Variants in MSI2 observed in about 807,000 individuals in gnomAD.
The protein encoded by MSI2 is musashi RNA binding protein 2.
A neutral mutation model predicts 45.6 loss-of-function variants in MSI2; 17 were observed. The ratio of observed to expected loss-of-function variants is 0.37; its 90% CI spans 0.26 to 0.56. MSI2 has a LOEUF of 0.56. MSI2 is among the 20% of genes least tolerant of loss of function. The probability of loss-of-function intolerance (pLI) is 0.77; values close to 1 mark genes in which losing one functional copy is unlikely to be tolerated. For missense variants in MSI2, 293 were observed against 444.2 expected (o/e 0.66, Z 3.06); for synonymous variants, 156 against 158.2 (o/e 0.99, Z 0.11).
At chr17:57,663,027 C>T (rs978376231) in intron 11 of MSI2, among the ~76,000 whole-genome samples, 1 of 152,210 alleles carries the variant, frequency 6.6e-6, no homozygotes, top group African/African-American at 2.4e-5. Context: ...GGAAGACAGA[C>T]GTCCTCTGTA....
intron 8 of MSI2, among the ~76,000 whole-genome samples, chr17:57,597,434 G>C (rs892104110): frequency 2.1e-5 from 3 of 143,654 alleles, no homozygotes; most frequent in African/African-American, 7.9e-5. Context: ...AGTTCGAGAC[G>C]AGCCTGGGAA....
intron 5 of MSI2, among the ~76,000 whole-genome samples, chr17:57,361,758 CAG>C (rs1348738843): frequency 2.6e-5 from 4 of 152,140 alleles, no homozygotes; most frequent in East Asian, 1.9e-4. Context: ...TTTGCTGTCT[CAG>C]GGGTGCAGAG....
intron 3 of MSI2, 110 bp downstream of exon 3, chr17:57,257,657 G>T (rs1034453368): frequency 1.4e-4 from 104 of 752,676 alleles, no homozygotes; most frequent in Non-Finnish European, 2.6e-5. Flanking sequence ...GCTCAGGCGC[G>T]TGGCTGATCT....
At chr17:57,696,262 G>T in the MSI2 span, among the ~76,000 whole-genome samples, 1 of 152,224 alleles carries the variant, frequency 6.6e-6, no homozygotes, top group Non-Finnish European at 1.5e-5. Flanking sequence ...GATCCAGCTG[G>T]CAAAGTGGCA....
At chr17:57,513,476 G>A (rs1322345830) in intron 6 of MSI2, among the ~76,000 whole-genome samples, 1 of 152,192 alleles carries the variant, frequency 6.6e-6, no homozygotes, top group African/African-American at 2.4e-5. Flanking sequence ...TGGGACCTGG[G>A]TCTAGGTGCC....
intron 7 of MSI2, among the ~76,000 whole-genome samples, chr17:57,549,168 C>T (rs1045291976): frequency 3.3e-5 from 5 of 152,188 alleles, no homozygotes; most frequent in South Asian, 2.1e-4. Context: ...AGCCGCCGGG[C>T]GCCGGCCGAC....
At position 57,339,039 on chromosome 17, in the gene MSI2, T is replaced by G. The variant is rs1435406201; in HGVS notation, c.313-62340T>G. ...GGAGAGGGGATCAGACTTTTCTTTCTCTTTGTGGCTTTCAAAAGAAAATCA... is the reference window on the plus strand; with the variant it reads ...GGAGAGGGGATCAGACTTTTCTTTCGCTTTGTGGCTTTCAAAAGAAAATCA... On this transcript the variant is annotated intron_variant, in intron 5 of 13. Transcript: ENST00000284073. Among the ~76,000 whole-genome samples, 5 of 152,338 alleles carry G rather than the reference T, an allele frequency of 3.3e-5. No homozygotes were observed. In the East Asian group the frequency reaches 9.6e-4, roughly 29 times the overall value.
intron 5 of MSI2, among the ~76,000 whole-genome samples, chr17:57,289,528 T>C (rs1395020857): frequency 3.3e-5 from 5 of 152,190 alleles, no homozygotes; most frequent in African/African-American, 1.2e-4. Flanking sequence ...CCGTCCTCTC[T>C]TCCCTTTTAT....
intron 7 of MSI2, among the ~76,000 whole-genome samples, chr17:57,578,299 T>TACC (rs1431879755): frequency 6.6e-6 from 1 of 152,178 alleles, no homozygotes; most frequent in Non-Finnish European, 1.5e-5. Flanking sequence ...AGTGCTTAGT[T>TACC]AGGGGACGTA....
chr17:57,583,625 G>A (rs560669149), intron 7 of MSI2, among the ~76,000 whole-genome samples: 8 of 151,826 alleles, frequency 5.3e-5, no homozygotes, highest in African/African-American at 1.5e-4. Context: ...GTGCCACGAC[G>A]TCAGGCTAAT....
intron 6 of MSI2, among the ~76,000 whole-genome samples, chr17:57,462,950 G>T (rs1012779742): frequency 2.0e-5 from 3 of 152,382 alleles, no homozygotes; most frequent in Non-Finnish European, 2.9e-5. Flanking sequence ...CATAACGGAG[G>T]ATGGTGATAG....
chr17:57,346,654 C>G (rs551303943), intron 5 of MSI2, among the ~76,000 whole-genome samples: 112 of 152,038 alleles, frequency 7.4e-4, no homozygotes, highest in Admixed American at 4.0e-3. Context: ...TGCATTCTGA[C>G]TGAATGCAGT....
intron 6 of MSI2, among the ~76,000 whole-genome samples, chr17:57,409,852 CA>C (rs1187699074): frequency 7.2e-4 from 109 of 151,772 alleles, no homozygotes; most frequent in African/African-American, 2.4e-3. Flanking sequence ...ACTAAAAATA[CA>C]AAAAATTAAC....
rs78149615 is a variant in MSI2, at chr17:57,334,164, C to T, written c.313-67215C>T. Among the ~76,000 whole-genome samples, 217 of 152,210 alleles carry T rather than the reference C, an allele frequency of 1.4e-3. 2 individuals are homozygous for T. Among genetic ancestry groups the T allele is most frequent in the East Asian group, 0.013 (67 of 5,172 alleles). ...TGCTTGGCTGCCTTGTGCATTTCTTCGGAGTTTGAAATAAGATAACCAAAG... is the reference window on the plus strand; with the variant it reads ...TGCTTGGCTGCCTTGTGCATTTCTTTGGAGTTTGAAATAAGATAACCAAAG... On this transcript the variant is annotated intron_variant, in intron 5 of 13. Coordinates refer to ENST00000284073, the MANE Select transcript of MSI2 (RefSeq NM_138962.4).
rs1463260186 is a variant in MSI2, at chr17:57,256,717, G to A, written c.-26G>A. ...ATCGCTGTGGGGCTTGGTTTTTTGG[G>A]GGTGGGGGGGCGGGGGGGCTCAGAT... On this transcript the variant is annotated 5_prime_UTR_variant, in exon 1 of 14. Transcript: ENST00000284073. The A allele has an allele frequency of 5.7e-6, 4 of 696,098 alleles. No individual in the cohort carries two copies. Among genetic ancestry groups the A allele is most frequent in the Non-Finnish European group, 8.1e-6 (4 of 495,196 alleles). 43.1% of individuals were successfully genotyped at this position (696,098 alleles called of 1,614,324 possible). A position where few individuals can be genotyped will look rare whatever the true frequency, so the allele number is the denominator to read the frequency against.
At chr17:57,289,637 A>G (rs1031716005) in intron 5 of MSI2, among the ~76,000 whole-genome samples, 8 of 152,152 alleles carry the variant, frequency 5.3e-5, no homozygotes, top group African/African-American at 1.9e-4. Flanking sequence ...AAATTATCAG[A>G]TGAAAGTTGG....
At chr17:57,335,676 A>G (rs1004187316) in intron 5 of MSI2, among the ~76,000 whole-genome samples, 2 of 152,228 alleles carry the variant, frequency 1.3e-5, no homozygotes, top group African/African-American at 4.8e-5. Flanking sequence ...TCAATTAGCG[A>G]TAAGTGCTGT....
intron 7 of MSI2, among the ~76,000 whole-genome samples, chr17:57,564,790 G>A (rs1252205165): frequency 1.3e-5 from 2 of 152,222 alleles, no homozygotes; most frequent in Non-Finnish European, 2.9e-5. Flanking sequence ...CGAGCACACA[G>A]TAGGTACTGA....
chr17:57,466,980 T>C (rs1216342468), intron 6 of MSI2, among the ~76,000 whole-genome samples: 1 of 152,218 alleles, frequency 6.6e-6, no homozygotes, highest in African/African-American at 2.4e-5. Flanking sequence ...TATTAGCTCT[T>C]TCCAAAGGGA....
Sources: allele counts gnomAD v4.1 joint callset (sites outside exome capture counted in the v4.1 genomes callset), GRCh38; gene constraint gnomAD v4.1.1; transcripts MANE v1.5; gene names NCBI Gene and HGNC (gene_info 2026-07-23, HGNC 2026-07-21).